The following GALNT13 variants were observed in gnomAD, a reference collection of about 807,000 sequenced individuals.
GALNT13 encodes UDP-GalNAc:polypeptide N-acetylgalactosaminyltransferase 13.
In GALNT13, 28 loss-of-function variants were observed where a neutral mutation model predicts 64.2. That is an observed-to-expected ratio of 0.44 (90% CI 0.32 to 0.60). The LOEUF is 0.60. Ranked by LOEUF, GALNT13 falls within the 20% of genes least tolerant of loss-of-function variation. GALNT13 has a pLI of 0.05. For synonymous variants in GALNT13, 214 were observed against 224.6 expected (o/e 0.95, Z 0.42); for missense variants, 577 against 669.8 (o/e 0.86, Z 1.53).
intron 4 of GALNT13, among the ~76,000 whole-genome samples, chr2:154,203,532 C>T (rs926397351): frequency 6.6e-6 from 1 of 152,068 alleles, no homozygotes; most frequent in Non-Finnish European, 1.5e-5. Context: ...TCCTCCTAGT[C>T]ATGTAATTCC....
the GALNT13 span, among the ~76,000 whole-genome samples, chr2:153,401,346 G>C: frequency 3.9e-5 from 6 of 151,944 alleles, no homozygotes; most frequent in African/African-American, 1.4e-4. Flanking sequence ...TTACTTCCAA[G>C]TAAGTGGTCA....
At chr2:154,449,044 A>G (rs1166420244) in intron 12 of GALNT13, among the ~76,000 whole-genome samples, 3 of 151,986 alleles carry the variant, frequency 2.0e-5, no homozygotes, top group South Asian at 2.1e-4. Context: ...TATTTTTTCA[A>G]GCTGGCTACT....
the GALNT13 span, chr2:153,159,698 A>G: frequency 6.6e-6 from 1 of 152,372 alleles, no homozygotes; most frequent in African/African-American, 2.4e-5. Context: ...TCAAAAGTGC[A>G]TTGTTGATCA....
chr2:153,357,655 G>A, the GALNT13 span, among the ~76,000 whole-genome samples: 1 of 152,202 alleles, frequency 6.6e-6, no homozygotes, highest in East Asian at 1.9e-4. Context: ...TAAGGGTATG[G>A]AAGTGGAGTC....
the GALNT13 span, among the ~76,000 whole-genome samples, chr2:153,280,561 C>T: frequency 6.6e-6 from 1 of 152,018 alleles, no homozygotes; most frequent in Non-Finnish European, 1.5e-5. Flanking sequence ...TTTGGTATGT[C>T]ATGTCTTCGT....
chr2:154,150,066 G>T (rs563532887), intron 4 of GALNT13, among the ~76,000 whole-genome samples: 3 of 152,136 alleles, frequency 2.0e-5, no homozygotes, highest in Non-Finnish European at 2.9e-5. Context: ...CTGTGGGTTT[G>T]TCATAGATAG....
the GALNT13 span, among the ~76,000 whole-genome samples, chr2:153,698,433 C>T: frequency 1.1e-4 from 16 of 151,690 alleles, no homozygotes; most frequent in Admixed American, 3.3e-4. Context: ...AAAAAAAAGG[C>T]GTCACAATCC....
At chr2:153,741,528 A>G in the GALNT13 span, among the ~76,000 whole-genome samples, 2 of 152,102 alleles carry the variant, frequency 1.3e-5, no homozygotes, top group Admixed American at 1.3e-4. Flanking sequence ...TTACCAGGGA[A>G]TATGAGAAGT....
At chr2:154,410,844 A>G (rs1559140079) in intron 11 of GALNT13, among the ~76,000 whole-genome samples, 1 of 151,954 alleles carries the variant, frequency 6.6e-6, no homozygotes, top group Non-Finnish European at 1.5e-5. Flanking sequence ...AAAATAAGAA[A>G]GGTACCCCAG....
chr2:153,478,245 C>A, the GALNT13 span: 1 of 1,611,460 alleles, frequency 6.2e-7, no homozygotes, highest in Non-Finnish European at 8.5e-7. Flanking sequence ...GTCAGTAGGG[C>A]CCCACGACCA....
chr2:153,803,430 T>C, the GALNT13 span, among the ~76,000 whole-genome samples: 35 of 152,182 alleles, frequency 2.3e-4, no homozygotes, highest in Middle Eastern at 3.4e-3. Context: ...CGGTGTCTTA[T>C]GCCTGTAATC....
At chr2:153,861,218 T>C in the GALNT13 span, among the ~76,000 whole-genome samples, 7,357 of 152,312 alleles carry the variant, frequency 0.048, 222 homozygotes, top group East Asian at 0.12. Flanking sequence ...ATAAACTGCA[T>C]TATTTAATTC....
intron 3 of GALNT13, among the ~76,000 whole-genome samples, chr2:154,133,313 T>G (rs915994470): frequency 1.3e-5 from 2 of 151,942 alleles, no homozygotes; most frequent in South Asian, 4.1e-4. Context: ...CATGGGCTTT[T>G]TAAATTTAAA....
the GALNT13 span, among the ~76,000 whole-genome samples, chr2:153,451,583 G>C: frequency 3.9e-5 from 6 of 152,306 alleles, no homozygotes; most frequent in Admixed American, 2.6e-4. Flanking sequence ...GAGAAAGTGA[G>C]AGTTAAATAT....
At chr2:153,184,491 G>C in the GALNT13 span, among the ~76,000 whole-genome samples, 276 of 152,298 alleles carry the variant, frequency 1.8e-3, 1 homozygote, top group African/African-American at 6.4e-3. Flanking sequence ...GTCCTGGCCA[G>C]AACATCCAAT....
the GALNT13 span, among the ~76,000 whole-genome samples, chr2:153,209,851 T>A: frequency 6.6e-6 from 1 of 152,148 alleles, no homozygotes; most frequent in Non-Finnish European, 1.5e-5. Context: ...CCCTCAACAG[T>A]GTCTTGTAAT....
At chr2:153,325,114 G>GTTTTTTTTTTTTTTTTTTTTTTTTTTT in the GALNT13 span, among the ~76,000 whole-genome samples, 1 of 72,634 alleles carries the variant, frequency 1.4e-5, no homozygotes, top group Non-Finnish European at 2.5e-5. Context: ...CTGGACCTGG[G>GTTTTTTTTTTTTTTTTTTTTTTTTTTT]TTTTTTTTTT....
At chr2:153,493,945 G>A in the GALNT13 span, among the ~76,000 whole-genome samples, 2 of 151,904 alleles carry the variant, frequency 1.3e-5, no homozygotes, top group Non-Finnish European at 2.9e-5. Flanking sequence ...TTGGCTTACA[G>A]TTCTATGGGC....
rs754326579 is a variant in GALNT13 at position 153,884,819 on chromosome 2, GTATA to G, written c.-177+12522_-177+12525del. 7.5e-3 allele frequency among the ~76,000 whole-genome samples: 828 copies of G among 109,780 alleles called. 7 individuals carry two copies. Among genetic ancestry groups the G allele is most frequent in the Non-Finnish European group, 0.011 (621 of 57,980 alleles). 72.0% of individuals were successfully genotyped at this position (109,780 alleles called of 152,430 possible). On this transcript the variant is annotated intron_variant, in intron 1 of 12. Coordinates refer to ENST00000392825, the MANE Select transcript of GALNT13 (RefSeq NM_052917.4). ...TATATATATATATGTGTGTGTGTGT[GTATA>G]TATATGTGTGTGTGTGTGTGTATAT...
Sources: allele counts gnomAD v4.1 joint callset (sites outside exome capture counted in the v4.1 genomes callset), GRCh38; gene constraint gnomAD v4.1.1; transcripts MANE v1.5; gene names NCBI Gene and HGNC (gene_info 2026-07-23, HGNC 2026-07-21).